The following NDST4 variants were observed in gnomAD, a reference collection of about 807,000 sequenced individuals.
NDST4 encodes N-deacetylase and N-sulfotransferase 4, also known as N-heparan sulfate sulfotransferase 4.
A neutral mutation model predicts 100.8 loss-of-function variants in NDST4; 63 were observed. The ratio of observed to expected loss-of-function variants is 0.62; its 90% CI spans 0.51 to 0.77. NDST4 has a LOEUF of 0.77. NDST4 is among the 30% of genes least tolerant of loss of function. The pLI, the probability that NDST4 is intolerant of heterozygous loss-of-function variation, is 0.00. For synonymous variants in NDST4, 377 were observed against 361.8 expected (o/e 1.04, Z -0.48); for missense variants, 943 against 1,018.4 (o/e 0.93, Z 1.01).
intron 1 of NDST4, among the ~76,000 whole-genome samples, chr4:115,095,664 T>A (rs923903458): frequency 2.6e-5 from 4 of 152,150 alleles, no homozygotes; most frequent in Non-Finnish European, 5.9e-5. Flanking sequence ...AAATCTTATC[T>A]TTTAGAAAAC....
intron 2 of NDST4, among the ~76,000 whole-genome samples, chr4:115,022,492 C>CAT (rs1169736160): frequency 1.7e-4 from 13 of 76,670 alleles, no homozygotes; most frequent in East Asian, 3.0e-4. Flanking sequence ...ATATATGTTC[C>CAT]ATATATATAT....
At chr4:114,986,881 A>T (rs1233462823) in intron 2 of NDST4, among the ~76,000 whole-genome samples, 4 of 139,808 alleles carry the variant, frequency 2.9e-5, no homozygotes, top group African/African-American at 1.1e-4. Context: ...CTCCATTATA[A>T]CTTATAAAAT....
chr4:114,941,728 C>T (rs932718733), intron 4 of NDST4, among the ~76,000 whole-genome samples: 7 of 152,136 alleles, frequency 4.6e-5, no homozygotes, highest in African/African-American at 7.2e-5. Context: ...TGGCAGCTCC[C>T]CCAGGGAGCC....
At chr4:115,068,203 T>A (rs1234139679) in intron 2 of NDST4, among the ~76,000 whole-genome samples, 2 of 152,068 alleles carry the variant, frequency 1.3e-5, no homozygotes, top group Admixed American at 1.3e-4. Flanking sequence ...TATATTACTT[T>A]TTCACTTTAT....
chr4:114,939,871 T>C (rs915085508), intron 4 of NDST4, among the ~76,000 whole-genome samples: 1 of 152,190 alleles, frequency 6.6e-6, no homozygotes, highest in African/African-American at 2.4e-5. Context: ...TTATGCTTTT[T>C]CAATCTAAAT....
intron 2 of NDST4, among the ~76,000 whole-genome samples, chr4:115,018,934 G>T (rs1727748436): frequency 6.6e-6 from 1 of 151,858 alleles, no homozygotes; most frequent in African/African-American, 2.4e-5. Flanking sequence ...TTCTTGGTGA[G>T]AATGCAAATG....
chr4:114,828,254 T>C (rs1257618999), intron 13 of NDST4, among the ~76,000 whole-genome samples: 1 of 152,062 alleles, frequency 6.6e-6, no homozygotes, highest in Non-Finnish European at 1.5e-5. Flanking sequence ...ATAAATGAGA[T>C]AGGGACTGCA....
At chr4:114,895,781 T>C (rs1261241377) in intron 6 of NDST4, among the ~76,000 whole-genome samples, 1 of 151,940 alleles carries the variant, frequency 6.6e-6, no homozygotes, top group Non-Finnish European at 1.5e-5. Context: ...ATAACTAACC[T>C]GCACATTGTG....
chr4:114,946,239 A>G (rs753507093), intron 4 of NDST4, among the ~76,000 whole-genome samples: 4 of 152,140 alleles, frequency 2.6e-5, no homozygotes, highest in South Asian at 2.1e-4. Context: ...TGTCCAACAC[A>G]TGGCTTATTA....
intron 2 of NDST4, among the ~76,000 whole-genome samples, chr4:114,979,167 T>C (rs1726708903): frequency 6.6e-6 from 1 of 151,752 alleles, no homozygotes; most frequent in African/African-American, 2.4e-5. Flanking sequence ...CCTCCCCAGC[T>C]CCCAATGCCA....
intron 2 of NDST4, among the ~76,000 whole-genome samples, chr4:115,067,585 T>C (rs1024644663): frequency 1.3e-5 from 2 of 151,942 alleles, no homozygotes; most frequent in African/African-American, 2.4e-5. Flanking sequence ...TATTTTATAA[T>C]AGGTTTCTTC....
intron 5 of NDST4, 93 bp from the exon 6 acceptor site, chr4:114,935,427 TCC>T: frequency 8.1e-7 from 1 of 1,237,394 alleles, no homozygotes; most frequent in Non-Finnish European, 1.1e-6. Context: ...AATTGTAATT[TCC>T]TATTGGATTT....
intron 2 of NDST4, among the ~76,000 whole-genome samples, chr4:115,063,976 C>T (rs1436542870): frequency 2.6e-5 from 4 of 151,806 alleles, no homozygotes; most frequent in South Asian, 2.1e-4. Context: ...CTCTCAGCTC[C>T]GTAATTATCT....
At chr4:115,025,149 C>T (rs1727955891) in intron 2 of NDST4, among the ~76,000 whole-genome samples, 1 of 151,962 alleles carries the variant, frequency 6.6e-6, no homozygotes, top group African/African-American at 2.4e-5. Flanking sequence ...AAAGACAGAC[C>T]CCACAAATCT....
chr4:114,860,970 A>G (rs888716993), intron 7 of NDST4, among the ~76,000 whole-genome samples: 1 of 152,216 alleles, frequency 6.6e-6, no homozygotes, highest in Non-Finnish European at 1.5e-5. Flanking sequence ...GTAAATCAGC[A>G]ACGAAATAAT....
chr4:115,087,996 T>C (rs1000680759), intron 1 of NDST4, among the ~76,000 whole-genome samples: 9 of 152,066 alleles, frequency 5.9e-5, no homozygotes, highest in Admixed American at 3.3e-4. Context: ...TTTTATCTTA[T>C]TTTTACACTT....
chr4:114,902,535 C>T (rs1014425548), intron 6 of NDST4, among the ~76,000 whole-genome samples: 3 of 151,860 alleles, frequency 2.0e-5, no homozygotes, highest in Non-Finnish European at 2.9e-5. Context: ...ATATGATGTG[C>T]GTAGGTGTAA....
chr4:114,828,390 A>G (rs1723126487), intron 13 of NDST4, among the ~76,000 whole-genome samples: 1 of 152,194 alleles, frequency 6.6e-6, no homozygotes. Flanking sequence ...ATTACAAATA[A>G]TAACTTGCAA....
At chr4:114,860,691 A>G (rs1723900211) in intron 7 of NDST4, among the ~76,000 whole-genome samples, 1 of 152,230 alleles carries the variant, frequency 6.6e-6, no homozygotes, top group Non-Finnish European at 1.5e-5. Flanking sequence ...CTGGACAGTT[A>G]CATGAGTGAG....
Sources: allele counts gnomAD v4.1 joint callset (sites outside exome capture counted in the v4.1 genomes callset), GRCh38; gene constraint gnomAD v4.1.1; transcripts MANE v1.5; gene names NCBI Gene and HGNC (gene_info 2026-07-23, HGNC 2026-07-21).